The following GTF2E2 variants were observed in gnomAD, a reference collection of about 807,000 sequenced individuals.
GTF2E2 encodes general transcription factor IIE subunit 2, also known as transcription initiation factor IIE subunit beta.
Under a neutral mutation model 40.5 loss-of-function variants are expected in GTF2E2, and 21 were observed. The observed-to-expected ratio is 0.52, with a 90% CI of 0.37 to 0.75. The LOEUF (loss-of-function observed/expected upper bound fraction) is 0.75, where lower values mean the gene tolerates loss of function less well. GTF2E2 is among the 30% of genes least tolerant of loss of function. GTF2E2 has a pLI of 0.00. For synonymous variants in GTF2E2, 117 were observed against 121.6 expected, an observed-to-expected ratio of 0.96 and a Z score of 0.25; for missense variants, 298 against 338.4, an observed-to-expected ratio of 0.88 and a Z score of 0.94.
intron 2 of GTF2E2, among the ~76,000 whole-genome samples, chr8:30,636,554 C>A (rs1284252175): frequency 6.6e-6 from 1 of 152,206 alleles, no homozygotes; most frequent in African/African-American, 2.4e-5. Context: ...TTGTTACAAT[C>A]TTAATTAATT....
intron 3 of GTF2E2, among the ~76,000 whole-genome samples, chr8:30,616,393 G>T (rs922629649): frequency 6.6e-6 from 1 of 152,000 alleles, no homozygotes; most frequent in African/African-American, 2.4e-5. Context: ...CCAAGATCAA[G>T]CCATTGCATT....
chr8:30,614,710 C>T lies in GTF2E2; in HGVS notation c.264G>A (p.Arg88=), dbSNP rs768289418. Residue 88 remains arginine (R), a synonymous_variant, in exon 4 of 8, where the codon CGG becomes CGA. Transcript: ENST00000355904. ...LAKIVNYMKT[R]HQRGDTHPLT... ...GAGGATGCGTATCTCCTCGCTGATG[C>T]CGTGTCTATCAAGTGAAGAAATTGT... The T allele has an allele frequency of 1.3e-5, 20 of 1,577,352 alleles. No homozygotes were observed. In the Admixed American group the frequency reaches 2.2e-4, roughly 17 times the overall value.
At chr8:30,606,825 C>A (rs1467369770) in intron 6 of GTF2E2, among the ~76,000 whole-genome samples, 1 of 152,106 alleles carries the variant, frequency 6.6e-6, no homozygotes, top group Non-Finnish European at 1.5e-5. Context: ...ATTAAGAAAT[C>A]CTGAACTGCG....
chr8:30,624,839 G>GA (rs1801218959), intron 3 of GTF2E2, among the ~76,000 whole-genome samples: 1 of 152,024 alleles, frequency 6.6e-6, no homozygotes, highest in Non-Finnish European at 1.5e-5. Flanking sequence ...GAATGCTTGT[G>GA]GTTTTTGCAC....
chr8:30,648,770 T>G (rs1420613916), intron 2 of GTF2E2, among the ~76,000 whole-genome samples: 2 of 152,212 alleles, frequency 1.3e-5, no homozygotes, highest in Non-Finnish European at 2.9e-5. Flanking sequence ...AGCTAAGACT[T>G]CTACCAATCC....
At chr8:30,646,500 T>C (rs1295840320) in intron 2 of GTF2E2, among the ~76,000 whole-genome samples, 1 of 152,162 alleles carries the variant, frequency 6.6e-6, no homozygotes, top group Admixed American at 6.6e-5. Context: ...AACAAAAGCA[T>C]GCTCTTAACC....
chr8:30,595,032 G>A (rs796212798), intron 6 of GTF2E2, among the ~76,000 whole-genome samples: 21 of 152,080 alleles, frequency 1.4e-4, no homozygotes, highest in African/African-American at 4.6e-4. Context: ...TTCTGTCTCC[G>A]TGTTCATTTA....
intron 2 of GTF2E2, among the ~76,000 whole-genome samples, chr8:30,637,497 A>G (rs1801644932): frequency 6.6e-6 from 1 of 152,040 alleles, no homozygotes; most frequent in Non-Finnish European, 1.5e-5. Context: ...CTAATGTACC[A>G]ATTCATCTAT....
intron 3 of GTF2E2, among the ~76,000 whole-genome samples, chr8:30,616,508 A>G (rs1257416779): frequency 2.0e-5 from 3 of 152,104 alleles, no homozygotes; most frequent in African/African-American, 7.2e-5. Flanking sequence ...AGGGGAGAGG[A>G]TGAACAAGCA....
intron 1 of GTF2E2, 150 bp from the exon 2 acceptor site, chr8:30,653,752 C>T: frequency 1.6e-6 from 1 of 622,384 alleles, no homozygotes; most frequent in Non-Finnish European, 2.8e-6. Context: ...TATTCAAGTA[C>T]TCAAGAAATA....
At chr8:30,605,845 G>A (rs1163093141) in intron 6 of GTF2E2, among the ~76,000 whole-genome samples, 2 of 152,106 alleles carry the variant, frequency 1.3e-5, no homozygotes, top group Non-Finnish European at 2.9e-5. Context: ...GTTTTTAATA[G>A]AGATAGGGTC....
intron 5 of GTF2E2, among the ~76,000 whole-genome samples, chr8:30,608,871 C>T (rs916844797): frequency 6.6e-6 from 1 of 152,186 alleles, no homozygotes; most frequent in Non-Finnish European, 1.5e-5. Context: ...GCCTCAGCCT[C>T]CCGAGTAGCT....
intron 2 of GTF2E2, among the ~76,000 whole-genome samples, chr8:30,649,113 T>C (rs1017943140): frequency 4.6e-5 from 7 of 152,188 alleles, no homozygotes; most frequent in Non-Finnish European, 1.0e-4. Context: ...GATGAGTTAA[T>C]TCTATGTACA....
chr8:30,629,984 C>T (rs1279702741), intron 3 of GTF2E2, among the ~76,000 whole-genome samples: 1 of 152,094 alleles, frequency 6.6e-6, no homozygotes, highest in Admixed American at 6.6e-5. Context: ...AATTAAAGTG[C>T]TGTCTCATAT....
intron 6 of GTF2E2, among the ~76,000 whole-genome samples, chr8:30,591,926 T>G (rs1828862366): frequency 6.6e-6 from 1 of 152,186 alleles, no homozygotes. Flanking sequence ...ATAGAATTTT[T>G]TTTTTTACTA....
intron 1 of GTF2E2, among the ~76,000 whole-genome samples, chr8:30,656,549 C>A (rs1802454461): frequency 2.0e-5 from 3 of 152,210 alleles, no homozygotes; most frequent in Admixed American, 2.0e-4. Context: ...CGGCTCACGC[C>A]TGTAATCCCA....
At chr8:30,632,939 A>C (rs1466250399) in intron 3 of GTF2E2, among the ~76,000 whole-genome samples, 1 of 152,204 alleles carries the variant, frequency 6.6e-6, no homozygotes, top group East Asian at 1.9e-4. Context: ...CTTAAATTCT[A>C]CAAAATCTCA....
At chr8:30,589,877 T>C (rs1585938073) in intron 6 of GTF2E2, among the ~76,000 whole-genome samples, 2 of 152,238 alleles carry the variant, frequency 1.3e-5, no homozygotes, top group Admixed American at 1.3e-4. Context: ...GTGGGGTAAC[T>C]CTTTACCTTG....
intron 6 of GTF2E2, among the ~76,000 whole-genome samples, chr8:30,580,970 A>C (rs1039212006): frequency 2.6e-5 from 4 of 152,212 alleles, no homozygotes; most frequent in Admixed American, 2.6e-4. Flanking sequence ...GAGAAAGGCG[A>C]CAGTCCTGCC....
Sources: allele counts gnomAD v4.1 joint callset (sites outside exome capture counted in the v4.1 genomes callset), GRCh38; gene constraint gnomAD v4.1.1; transcripts MANE v1.5; gene names NCBI Gene and HGNC (gene_info 2026-07-23, HGNC 2026-07-21).